Variants in CCDC30 observed in about 807,000 individuals in gnomAD.
CCDC30 encodes the protein coiled-coil domain-containing protein 30.
In CCDC30, 70 loss-of-function variants were observed where a neutral mutation model predicts 100.2. That is an observed-to-expected ratio of 0.70 (90% CI 0.58 to 0.85). The LOEUF (loss-of-function observed/expected upper bound fraction) is 0.85, where lower values mean the gene tolerates loss of function less well. Ranked by LOEUF, CCDC30 falls within the 40% of genes least tolerant of loss-of-function variation. The pLI is 0.00. For missense variants in CCDC30, 652 were observed against 771.2 expected (o/e 0.85, Z 1.83); for synonymous variants, 233 against 269.5 (o/e 0.86, Z 1.33).
chr1:42,626,423 G>A (rs181231043), intron 11 of CCDC30, among the ~76,000 whole-genome samples: 227 of 152,202 alleles, frequency 1.5e-3, no homozygotes, highest in Non-Finnish European at 3.0e-3. Flanking sequence ...GTTGTTTGTA[G>A]TCTTCTCTTC....
At chr1:42,654,826 C>A (rs560857026), downstream of CCDC30, among the ~76,000 whole-genome samples, 54 of 151,346 alleles carry the variant, frequency 3.6e-4, no homozygotes, top group African/African-American at 1.2e-3. Flanking sequence ...AATTCTCCTG[C>A]CTCAGCCTCC....
intron 9 of CCDC30, among the ~76,000 whole-genome samples, chr1:42,584,947 A>G (rs1388800842): frequency 1.3e-5 from 2 of 152,172 alleles, no homozygotes; most frequent in Non-Finnish European, 2.9e-5. Context: ...TTTTTTTGGA[A>G]GAGATTGCAG....
chr1:42,646,079 T>G, intron 14 of CCDC30, 56 bp from the exon 19 acceptor site: 1 of 1,510,878 alleles, frequency 6.6e-7, no homozygotes, highest in South Asian at 1.4e-5. Flanking sequence ...GGTACTAACT[T>G]CTAACATCTT....
intron 6 of CCDC30, chr1:42,500,346 C>T (rs1277341285): frequency 1.8e-5 from 28 of 1,593,780 alleles, no homozygotes; most frequent in Non-Finnish European, 2.1e-5. Flanking sequence ...ACATAGTTGC[C>T]GAGGAAAAGC....
chr1:42,629,969 A>ATTTT (rs4019432), intron 11 of CCDC30, among the ~76,000 whole-genome samples: 10 of 90,122 alleles, frequency 1.1e-4, no homozygotes, highest in African/African-American at 3.5e-4. Flanking sequence ...ATGTCCCCCT[A>ATTTT]TTTTTTTTTT....
chr1:42,581,834 T>G (rs1400015864), intron 9 of CCDC30, among the ~76,000 whole-genome samples: 2 of 152,206 alleles, frequency 1.3e-5, no homozygotes, highest in Non-Finnish European at 2.9e-5. Context: ...TGCTCTGACA[T>G]GTAGTCTGAC....
chr1:42,617,462 G>T (rs1557458005), intron 11 of CCDC30, among the ~76,000 whole-genome samples: 1 of 152,172 alleles, frequency 6.6e-6, no homozygotes, highest in Non-Finnish European at 1.5e-5. Flanking sequence ...AGACAGAGCT[G>T]ATTTATCAAG....
intron 9 of CCDC30, among the ~76,000 whole-genome samples, chr1:42,587,191 C>T (rs1646090095): frequency 6.6e-6 from 1 of 152,118 alleles, no homozygotes; most frequent in Admixed American, 6.6e-5. Flanking sequence ...CAGATGAGTT[C>T]TCACTATGTT....
At chr1:42,510,223 T>C (rs969092656) in intron 6 of CCDC30, 7 of 665,380 alleles carry the variant, frequency 1.1e-5, no homozygotes, top group Admixed American at 6.3e-5. Flanking sequence ...TATTTTCTCT[T>C]TTCCTTTTGA....
intron 1 of CCDC30, among the ~76,000 whole-genome samples, chr1:42,477,926 C>A (rs1304583974): frequency 6.6e-6 from 1 of 152,128 alleles, no homozygotes; most frequent in Non-Finnish European, 1.5e-5. Flanking sequence ...GCAAAGGGAA[C>A]AGAGTTGATA....
intron 11 of CCDC30, among the ~76,000 whole-genome samples, chr1:42,632,307 C>A (rs1647052901): frequency 6.6e-6 from 1 of 152,078 alleles, no homozygotes; most frequent in Admixed American, 6.5e-5. Context: ...AGTGCCCTAT[C>A]CTGCTGTGGT....
the CCDC30 span, chr1:42,456,581 C>G: frequency 6.7e-7 from 1 of 1,489,118 alleles, no homozygotes; most frequent in Non-Finnish European, 8.9e-7. Flanking sequence ...GGAAATGGAT[C>G]CGGTAGCCGA....
At chr1:42,490,133 A>G in intron 3 of CCDC30, 25 bp from the exon 4 acceptor site, 3 of 908,608 alleles carry the variant, frequency 3.3e-6, no homozygotes, top group Non-Finnish European at 2.9e-6. Flanking sequence ...TGTTCCTTAT[A>G]CAAATATTTT....
chr1:42,646,763 T>TG (rs1647917143), intron 15 of CCDC30, among the ~76,000 whole-genome samples: 1 of 152,170 alleles, frequency 6.6e-6, no homozygotes, highest in East Asian at 1.9e-4. Context: ...AAGGTGAACC[T>TG]GGGCTTAAGG....
intron 4 of CCDC30, among the ~76,000 whole-genome samples, chr1:42,494,860 G>C (rs1644205782): frequency 1.2e-5 from 1 of 84,796 alleles, no homozygotes. Flanking sequence ...GAAACAACAG[G>C]TGCTGGAGAG....
chr1:42,515,359 T>C (rs1050068505), intron 6 of CCDC30, among the ~76,000 whole-genome samples: 1 of 152,222 alleles, frequency 6.6e-6, no homozygotes, highest in African/African-American at 2.4e-5. Context: ...ACATTTCTAT[T>C]GTTTTAAGAC....
chr1:42,563,568 G>GT (rs1241275632), intron 6 of CCDC30, among the ~76,000 whole-genome samples: 1 of 151,914 alleles, frequency 6.6e-6, no homozygotes, highest in Non-Finnish European at 1.5e-5. Context: ...ATGTATCCTG[G>GT]TTTTTTTTAG....
At chr1:42,569,968 G>T (rs1365208877) in intron 7 of CCDC30, among the ~76,000 whole-genome samples, 1 of 152,112 alleles carries the variant, frequency 6.6e-6, no homozygotes, top group Non-Finnish European at 1.5e-5. Flanking sequence ...ACACACCAGG[G>T]CCTGTCAGTG....
intron 6 of CCDC30, chr1:42,535,047 A>G (rs1044110285): frequency 2.6e-5 from 4 of 152,224 alleles, no homozygotes; most frequent in Admixed American, 6.5e-5. Context: ...GGCAGACACC[A>G]TAAGGATGCT....
Sources: gnomAD v4.1 joint callset for allele counts (sites outside exome capture counted in the v4.1 genomes callset) on GRCh38, gnomAD v4.1.1 for gene constraint, MANE v1.5 for transcripts, NCBI Gene and HGNC (gene_info 2026-07-23, HGNC 2026-07-21) for gene names.